ARHGAP17: variants seen among roughly 807,000 people sequenced by gnomAD.
ARHGAP17 encodes rho GTPase-activating protein 17.
In ARHGAP17, 57 loss-of-function variants were observed where a neutral mutation model predicts 99.5. The ratio of observed to expected loss-of-function variants is 0.57; its 90% CI spans 0.46 to 0.71. The LOEUF is 0.71. Ranked by LOEUF, ARHGAP17 falls within the 30% of genes least tolerant of loss-of-function variation. ARHGAP17 has a pLI of 0.00. For missense variants in ARHGAP17, 1,000 were observed against 1,122.4 expected, an observed-to-expected ratio of 0.89 and a Z score of 1.56; for synonymous variants, 417 against 429.6, an observed-to-expected ratio of 0.97 and a Z score of 0.36.
At chr16:24,980,284 G>A (rs940122539) in intron 1 of ARHGAP17, among the ~76,000 whole-genome samples, 47 of 152,336 alleles carry the variant, frequency 3.1e-4, no homozygotes, top group East Asian at 1.3e-3. Context: ...GCAATGGCAC[G>A]TTAGCCAGAA....
chr16:24,992,902 C>A (rs1057314762), intron 1 of ARHGAP17, among the ~76,000 whole-genome samples: 1 of 152,062 alleles, frequency 6.6e-6, no homozygotes, highest in African/African-American at 2.4e-5. Context: ...CTGGGCTCAG[C>A]AATCCTCCTG....
chr16:24,957,745 G>A (rs148872287), intron 9 of ARHGAP17, among the ~76,000 whole-genome samples: 1 of 152,110 alleles, frequency 6.6e-6, no homozygotes, highest in African/African-American at 2.4e-5. Context: ...AGAAAATGCA[G>A]GTGGCAGGCA....
At chr16:25,010,448 C>G (rs978927876) in intron 1 of ARHGAP17, among the ~76,000 whole-genome samples, 2 of 152,140 alleles carry the variant, frequency 1.3e-5, no homozygotes, top group Non-Finnish European at 2.9e-5. Flanking sequence ...TGGTTTAGTA[C>G]AGCACTTTGT....
At chr16:24,966,975 T>C (rs949446689) in intron 6 of ARHGAP17, among the ~76,000 whole-genome samples, 1 of 152,240 alleles carries the variant, frequency 6.6e-6, no homozygotes, top group Admixed American at 6.5e-5. Flanking sequence ...TGGAAAGGCC[T>C]ATGCATTTAG....
intron 2 of ARHGAP17, 42 bp from the exon 3 acceptor site, chr16:24,977,361 C>G: frequency 6.7e-7 from 1 of 1,502,598 alleles, no homozygotes; most frequent in Non-Finnish European, 9.1e-7. Context: ...CATCCTCTTT[C>G]TTTTGTGGTG....
At chr16:24,923,333 C>T (rs1002561793) in intron 19 of ARHGAP17, among the ~76,000 whole-genome samples, 4 of 152,182 alleles carry the variant, frequency 2.6e-5, no homozygotes, top group African/African-American at 9.7e-5. Flanking sequence ...TTCAGAAAGA[C>T]ACCTGTAAGA....
intron 1 of ARHGAP17, among the ~76,000 whole-genome samples, chr16:25,005,404 G>A (rs1017865270): frequency 2.0e-5 from 3 of 152,116 alleles, no homozygotes; most frequent in African/African-American, 7.2e-5. Context: ...ATCTGTTGAG[G>A]AACATATCTA....
At position 24,939,381 on chromosome 16, in the gene ARHGAP17, C is replaced by T. The variant is rs149887796; in HGVS notation, c.1707G>A (p.Pro569=). The T allele has an allele frequency of 1.4e-5, 23 of 1,606,834 alleles. No homozygotes were observed. Among genetic ancestry groups the T allele is most frequent in the South Asian group, 4.4e-5 (4 of 90,198 alleles). ...CTCCTTACCTGCCGTCGCCTGGGCT[C>T]GGCCCCTGCTCCAGTATGCCCGCGG... The part of the protein sequence containing the change: ...PSSAGILEQG[P]SPGDGSPPKP... The change falls in exon 17 of 20, where the codon CCG becomes CCA. Residue 569 remains proline (P), a synonymous_variant. Coordinates refer to ENST00000289968, the MANE Select transcript of ARHGAP17 (RefSeq NM_001006634.3).
chr16:24,977,307 G>A lies in ARHGAP17; in HGVS notation c.106C>T (p.Leu36=), dbSNP rs1239080674. The A allele has an allele frequency of 5.0e-6, 8 of 1,584,638 alleles. No individual in the cohort carries two copies. The South Asian group carries it at 9.2e-5, about 18-fold the overall frequency. The change falls in exon 3 of 20, where the codon CTG becomes TTG. Residue 36 remains leucine, a synonymous_variant. Transcript: ENST00000289968. ...TGGCATATTGACCGCACCGTGTCCA[G>A]GCGTCTCTCAATCTGACAAGGCAGA... The part of the protein sequence containing the change: ...SEDLLQIERR[L]DTVRSICHHS...
At chr16:24,920,304 C>T (rs1353285570) in intron 19 of ARHGAP17, 44 bp from the exon 20 acceptor site, 1 of 1,608,396 alleles carries the variant, frequency 6.2e-7, no homozygotes, top group Non-Finnish European at 8.5e-7. Flanking sequence ...GAGGGGTAAC[C>T]CCCGAGAGGC....
At chr16:25,000,349 C>T (rs543666715) in intron 1 of ARHGAP17, among the ~76,000 whole-genome samples, 12 of 152,256 alleles carry the variant, frequency 7.9e-5, no homozygotes, top group South Asian at 6.2e-4. Context: ...CACACACAGA[C>T]GCACGAGGTG....
chr16:24,931,554 G>T, intron 18 of ARHGAP17, 150 bp from the exon 19 acceptor site: 1 of 737,248 alleles, frequency 1.4e-6, no homozygotes, highest in Non-Finnish European at 2.0e-6. Context: ...ACCACACTGT[G>T]TCTTCCTCCC....
chr16:24,941,934 C>T (rs765231543), intron 16 of ARHGAP17, 53 bp downstream of exon 16: 24 of 1,611,356 alleles, frequency 1.5e-5, no homozygotes, highest in East Asian at 6.7e-5. Context: ...CCAGATACCA[C>T]GGGTCTAACA....
At position 24,968,712 on chromosome 16, in the gene ARHGAP17, G is replaced by C; in HGVS notation, c.333C>G (p.His111Gln). The stretch of plus-strand genomic sequence containing the variant: ...CGATCTCCTTCTCAACAAAGACTTC[G>C]TGCTGGGAGAGCTCGAGAGCCAGCT... ...ENQLALELSQ[H>Q]EVFVEKEIVD... The change falls in exon 5 of 20, where the codon CAC becomes CAG. Residue 111 changes from histidine (H) to glutamine (Q), a missense_variant. His to Gln is a conservative substitution (Grantham distance 24). Around this residue, in one of 2 missense-constraint regions of ARHGAP17, gnomAD observed 472 missense variants for 611.1 expected, o/e 0.77. Coordinates refer to ENST00000289968, the MANE Select transcript of ARHGAP17 (RefSeq NM_001006634.3). The C allele has an allele frequency of 6.2e-7, 1 of 1,614,178 alleles. No individual in the cohort carries two copies.
intron 5 of ARHGAP17, 42 bp from the exon 6 acceptor site, chr16:24,968,469 T>C (rs754122399): frequency 6.2e-7 from 1 of 1,608,086 alleles, no homozygotes; most frequent in Non-Finnish European, 8.5e-7. Context: ...CTTCAGGGCT[T>C]TTAGGTTAAC....
At chr16:24,944,914 C>T (rs1046599060) in intron 14 of ARHGAP17, among the ~76,000 whole-genome samples, 1 of 151,852 alleles carries the variant, frequency 6.6e-6, no homozygotes, top group Admixed American at 6.6e-5. Context: ...CCGCGCCTGG[C>T]AAATGTGCCT....
chr16:24,933,861 T>C (rs943397359), intron 18 of ARHGAP17, among the ~76,000 whole-genome samples: 1 of 152,100 alleles, frequency 6.6e-6, no homozygotes, highest in Non-Finnish European at 1.5e-5. Context: ...GGAGCTGTGA[T>C]TTCGGGAAGC....
intron 1 of ARHGAP17, among the ~76,000 whole-genome samples, chr16:24,990,236 G>A (rs1407048686): frequency 2.0e-5 from 3 of 152,190 alleles, no homozygotes; most frequent in Admixed American, 6.5e-5. Context: ...TGTAATCCCG[G>A]CACTCTGGGA....
At chr16:24,944,032 G>T (rs2051392892) in intron 14 of ARHGAP17, among the ~76,000 whole-genome samples, 170 bp from the exon 15 acceptor site, 1 of 152,098 alleles carries the variant, frequency 6.6e-6, no homozygotes, top group South Asian at 2.1e-4. Flanking sequence ...CAGCACTTTG[G>T]GAGGCTGAGG....
Sources: allele counts gnomAD v4.1 joint callset (sites outside exome capture counted in the v4.1 genomes callset), GRCh38; gene constraint gnomAD v4.1.1; regional missense constraint gnomAD v4.1.1; transcripts MANE v1.5; gene names NCBI Gene and HGNC (gene_info 2026-07-23, HGNC 2026-07-21).